CEP83: variants seen among roughly 807,000 people sequenced by gnomAD.
The protein encoded by CEP83 is centrosomal protein of 83 kDa.
A neutral mutation model predicts 101.9 loss-of-function variants in CEP83; 70 were observed. That is an observed-to-expected ratio of 0.69 (90% CI 0.57 to 0.84). The LOEUF (loss-of-function observed/expected upper bound fraction) is 0.84, where lower values mean the gene tolerates loss of function less well. Among genes scored for constraint, CEP83 ranks in the 40% least tolerant of loss-of-function variants. The probability of loss-of-function intolerance (pLI) is 0.00; values close to 1 mark genes in which losing one functional copy is unlikely to be tolerated. For missense variants in CEP83, 715 were observed against 787.2 expected (o/e 0.91, Z 1.10); for synonymous variants, 264 against 267.9 (o/e 0.99, Z 0.14).
At chr12:94,421,829 G>A (rs1029935119) in intron 2 of CEP83, among the ~76,000 whole-genome samples, 5 of 152,196 alleles carry the variant, frequency 3.3e-5, no homozygotes, top group African/African-American at 1.2e-4. Flanking sequence ...GGAGGCAACT[G>A]TACAAAATGA....
At chr12:94,453,819 C>T (rs2067432126) in intron 1 of CEP83, among the ~76,000 whole-genome samples, 1 of 152,182 alleles carries the variant, frequency 6.6e-6, no homozygotes, top group South Asian at 2.1e-4. Context: ...AGTGCCTAGG[C>T]CGGGCGCAGT....
At chr12:94,452,975 T>G (rs1368899570) in intron 1 of CEP83, among the ~76,000 whole-genome samples, 1 of 152,226 alleles carries the variant, frequency 6.6e-6, no homozygotes, top group Non-Finnish European at 1.5e-5. Flanking sequence ...AAACAAGGAC[T>G]TAAACTACCC....
chr12:94,333,393 A>C, intron 13 of CEP83, 89 bp downstream of exon 13: 1 of 1,174,316 alleles, frequency 8.5e-7, no homozygotes. Context: ...AGTTTCTAAA[A>C]TATAATCAAC....
the CEP83 span, chr12:94,277,901 T>C: frequency 2.2e-6 from 1 of 455,566 alleles, no homozygotes; most frequent in South Asian, 1.6e-5. Flanking sequence ...CATTTTTAAG[T>C]TGAGGTAGGC....
chr12:94,371,832 C>T (rs1407731510), intron 8 of CEP83, among the ~76,000 whole-genome samples: 1 of 152,136 alleles, frequency 6.6e-6, no homozygotes, highest in Non-Finnish European at 1.5e-5. Flanking sequence ...ATGCAAAATC[C>T]TCATCCAAAG....
intron 14 of CEP83, among the ~76,000 whole-genome samples, chr12:94,316,969 T>C (rs1026525731): frequency 1.3e-5 from 2 of 152,132 alleles, no homozygotes; most frequent in African/African-American, 4.8e-5. Context: ...CCAATGGTAG[T>C]TGTTTCTAGC....
chr12:94,420,300 G>C (rs1444560532), intron 2 of CEP83, among the ~76,000 whole-genome samples: 1 of 152,114 alleles, frequency 6.6e-6, no homozygotes, highest in African/African-American at 2.4e-5. Flanking sequence ...TTGAAATGTG[G>C]TATACACAGG....
the CEP83 span, chr12:94,280,116 A>G: frequency 3.1e-6 from 1 of 320,498 alleles, no homozygotes; most frequent in African/African-American, 2.2e-5. Context: ...TCCTCTGCTA[A>G]TCACATCCTG....
At chr12:94,390,174 C>G (rs560435001) in intron 6 of CEP83, among the ~76,000 whole-genome samples, 6 of 152,180 alleles carry the variant, frequency 3.9e-5, no homozygotes, top group Non-Finnish European at 8.8e-5. Context: ...CAAGTGGGTC[C>G]CTGGCACCCG....
At chr12:94,303,893 T>C (rs1397942040), downstream of CEP83, 3 of 1,609,814 alleles carry the variant, frequency 1.9e-6, no homozygotes, top group Non-Finnish European at 2.5e-6. Context: ...CTCAGGAATC[T>C]AAGGTATCAT....
chr12:94,432,942 C>T (rs905356806), intron 2 of CEP83, among the ~76,000 whole-genome samples: 1 of 152,138 alleles, frequency 6.6e-6, no homozygotes, highest in Non-Finnish European at 1.5e-5. Flanking sequence ...TATGAATGGA[C>T]AAGGGAGAGA....
chr12:94,318,002 T>G (rs188492743), intron 14 of CEP83, among the ~76,000 whole-genome samples: 6 of 152,316 alleles, frequency 3.9e-5, no homozygotes, highest in Non-Finnish European at 7.4e-5. Flanking sequence ...AATCAATAAA[T>G]TGCTTTTGAC....
the CEP83 span, among the ~76,000 whole-genome samples, chr12:94,288,911 T>C: frequency 6.6e-6 from 1 of 152,246 alleles, no homozygotes; most frequent in African/African-American, 2.4e-5. Context: ...TTGATTCTCA[T>C]GTTTTCAGAT....
At chr12:94,452,766 GA>G (rs2067355008) in intron 1 of CEP83, among the ~76,000 whole-genome samples, 1 of 152,088 alleles carries the variant, frequency 6.6e-6, no homozygotes, top group South Asian at 2.1e-4. Context: ...ATGTAGTTCA[GA>G]AGAGTCATTA....
chr12:94,381,616 C>T (rs189869889), intron 6 of CEP83, among the ~76,000 whole-genome samples: 3 of 152,094 alleles, frequency 2.0e-5, no homozygotes, highest in South Asian at 4.1e-4. Context: ...ATTACCTTTA[C>T]GATATAACAT....
chr12:94,403,573 T>C (rs2063373653), intron 4 of CEP83, among the ~76,000 whole-genome samples: 1 of 152,200 alleles, frequency 6.6e-6, no homozygotes, highest in Admixed American at 6.5e-5. Flanking sequence ...TGGCTAATAG[T>C]CTAGTTATTT....
chr12:94,313,088 T>C lies in CEP83; in HGVS notation c.1708-71A>G. ...TTTGAACAAAACTATATAGAAAATA[T>C]TTTACTCACCAAAAACTGTGTTTAG... On this transcript the variant is annotated intron_variant, in intron 14 of 16. Transcript: ENST00000397809. 4.5e-6 allele frequency: 3 copies of C among 662,898 alleles called. No homozygotes were observed. In the South Asian group the frequency reaches 6.5e-5, roughly 14 times the overall value. 41.1% of individuals were successfully genotyped at this position (662,898 alleles called of 1,614,324 possible). A position where few individuals can be genotyped will look rare whatever the true frequency, so the allele number is the denominator to read the frequency against.
the CEP83 span, among the ~76,000 whole-genome samples, chr12:94,269,898 T>C: frequency 1.3e-5 from 2 of 152,366 alleles, no homozygotes; most frequent in Non-Finnish European, 1.5e-5. Context: ...CCCTCGTTGA[T>C]GGCAAGTCAT....
chr12:94,392,197 GCAC>G (rs1297796803), intron 6 of CEP83, among the ~76,000 whole-genome samples: 8 of 152,176 alleles, frequency 5.3e-5, no homozygotes, highest in Non-Finnish European at 1.2e-4. Flanking sequence ...ATTCTTCTCA[GCAC>G]CACATTGCAC....
Sources: gnomAD v4.1 joint callset for allele counts (sites outside exome capture counted in the v4.1 genomes callset) on GRCh38, gnomAD v4.1.1 for gene constraint, MANE v1.5 for transcripts, NCBI Gene and HGNC (gene_info 2026-07-23, HGNC 2026-07-21) for gene names.